Variants in MAF observed in about 807,000 individuals in gnomAD.
MAF encodes transcription factor Maf.
MAF carries 10 observed loss-of-function variants against 22.0 expected under a neutral mutation model. The observed-to-expected ratio is 0.45, with a 90% CI of 0.28 to 0.77. The LOEUF (loss-of-function observed/expected upper bound fraction) is 0.77. MAF is among the 30% of genes least tolerant of loss of function. MAF has a pLI of 0.12. For missense variants in MAF, 544 were observed against 548.4 expected (o/e 0.99, Z 0.08); for synonymous variants, 337 against 255.8 (o/e 1.32, Z -3.03).
At chr16:79,386,925 C>G in the MAF span, among the ~76,000 whole-genome samples, 1 of 152,136 alleles carries the variant, frequency 6.6e-6, no homozygotes, top group Non-Finnish European at 1.5e-5. Flanking sequence ...TGAAGTCTTA[C>G]ATTAACTGCT....
chr16:79,285,281 C>T, the MAF span, among the ~76,000 whole-genome samples: 11 of 152,226 alleles, frequency 7.2e-5, no homozygotes, highest in African/African-American at 1.9e-4. Flanking sequence ...GCCCCCCTTT[C>T]GTTAGGTCTT....
the MAF span, among the ~76,000 whole-genome samples, chr16:79,516,558 A>G: frequency 2.1e-4 from 32 of 152,222 alleles, no homozygotes; most frequent in Non-Finnish European, 4.6e-4. Flanking sequence ...AATATAATAC[A>G]TGATGATTTT....
At chr16:79,255,241 G>T in the MAF span, among the ~76,000 whole-genome samples, 1 of 152,210 alleles carries the variant, frequency 6.6e-6, no homozygotes, top group Non-Finnish European at 1.5e-5. Context: ...TCCAGGAATG[G>T]TTAGCTTTGC....
At chr16:79,581,500 G>C (rs148007539), downstream of MAF, among the ~76,000 whole-genome samples, 2 of 151,904 alleles carry the variant, frequency 1.3e-5, no homozygotes, top group East Asian at 3.9e-4. Flanking sequence ...AAGAAGAAAA[G>C]AAACTTTGTC....
chr16:79,582,591 C>G (rs1353846056), downstream of MAF, among the ~76,000 whole-genome samples: 1 of 151,980 alleles, frequency 6.6e-6, no homozygotes, highest in East Asian at 1.9e-4. Context: ...AAAACGTTAG[C>G]CAGGCTGTAT....
chr16:79,411,396 T>C, the MAF span, among the ~76,000 whole-genome samples: 4 of 152,180 alleles, frequency 2.6e-5, no homozygotes, highest in Non-Finnish European at 5.9e-5. Context: ...CTGCCCCATA[T>C]CCATCCCCTG....
chr16:79,519,507 G>A, the MAF span, among the ~76,000 whole-genome samples: 1 of 152,144 alleles, frequency 6.6e-6, no homozygotes, highest in Admixed American at 6.5e-5. Context: ...CAAGCACGAA[G>A]CAGCATGTTC....
chr16:79,506,560 A>G, the MAF span, among the ~76,000 whole-genome samples: 2 of 152,228 alleles, frequency 1.3e-5, no homozygotes, highest in African/African-American at 2.4e-5. Flanking sequence ...GGGCTGGTAG[A>G]TAAAAAGGAA....
At chr16:79,207,109 A>G in the MAF span, among the ~76,000 whole-genome samples, 1,259 of 152,320 alleles carry the variant, frequency 8.3e-3, 8 homozygotes, top group Middle Eastern at 0.054. Context: ...CAGGGCGTGT[A>G]GACGGCCATC....
At chr16:79,408,830 T>C in the MAF span, among the ~76,000 whole-genome samples, 1 of 152,312 alleles carries the variant, frequency 6.6e-6, no homozygotes, top group South Asian at 2.1e-4. Context: ...CCCAAAGGCT[T>C]CATTCCAGCT....
chr16:79,302,688 G>C, the MAF span, among the ~76,000 whole-genome samples: 1 of 152,208 alleles, frequency 6.6e-6, no homozygotes, highest in Non-Finnish European at 1.5e-5. Flanking sequence ...AGGCGCTCTA[G>C]AAGACCTTTT....
the MAF span, among the ~76,000 whole-genome samples, chr16:79,218,439 T>A: frequency 6.6e-6 from 1 of 152,238 alleles, no homozygotes; most frequent in Admixed American, 6.5e-5. Context: ...ATTGATCTCC[T>A]CAGCATACCT....
the MAF span, among the ~76,000 whole-genome samples, chr16:79,439,807 G>C: frequency 5.3e-5 from 8 of 152,228 alleles, no homozygotes; most frequent in Admixed American, 1.3e-4. Flanking sequence ...ATGCCCAGCA[G>C]TCACGGGATG....
chr16:79,423,125 C>T, the MAF span, among the ~76,000 whole-genome samples: 12 of 152,166 alleles, frequency 7.9e-5, no homozygotes, highest in East Asian at 1.9e-4. Flanking sequence ...TTAAGTGTAA[C>T]GTGCACGTGA....
At chr16:79,575,065 C>T in the MAF span, among the ~76,000 whole-genome samples, 1 of 151,458 alleles carries the variant, frequency 6.6e-6, no homozygotes, top group Non-Finnish European at 1.5e-5. Flanking sequence ...CCCCAACGGC[C>T]ACTAAAGGTT....
chr16:79,203,984 C>G, the MAF span: 1 of 152,248 alleles, frequency 6.6e-6, no homozygotes, highest in African/African-American at 2.4e-5. Context: ...TCCTTTAGCA[C>G]GGGCATCAAG....
chr16:79,208,764 TGAG>T, the MAF span, among the ~76,000 whole-genome samples: 1 of 152,150 alleles, frequency 6.6e-6, no homozygotes, highest in African/African-American at 2.4e-5. Context: ...GAGCCAAAAA[TGAG>T]AACCTGTTAC....
chr16:79,236,867 G>A, the MAF span, among the ~76,000 whole-genome samples: 1 of 151,412 alleles, frequency 6.6e-6, no homozygotes, highest in African/African-American at 2.4e-5. Context: ...ACAGCCATAG[G>A]GAGCATGCGA....
the MAF span, among the ~76,000 whole-genome samples, chr16:79,395,949 C>A: frequency 6.6e-6 from 1 of 151,642 alleles, no homozygotes; most frequent in Non-Finnish European, 1.5e-5. Flanking sequence ...GGCAAATGGC[C>A]CCCCCGGTGG....
Sources: gnomAD v4.1 joint callset for allele counts (sites outside exome capture counted in the v4.1 genomes callset) on GRCh38, gnomAD v4.1.1 for gene constraint, MANE v1.5 for transcripts, NCBI Gene and HGNC (gene_info 2026-07-23, HGNC 2026-07-21) for gene names.